Variants in TINAG observed in about 807,000 individuals in gnomAD.
TINAG encodes the protein tubulointerstitial nephritis antigen.
In TINAG, 83 loss-of-function variants were observed where a neutral mutation model predicts 72.7. The ratio of observed to expected loss-of-function variants is 1.14; its 90% CI spans 0.96 to 1.37. TINAG has a LOEUF of 1.37. TINAG is among the 40% of genes most tolerant of loss of function. The pLI is 0.00. For missense variants in TINAG, 685 were observed against 576.6 expected (o/e 1.19, Z -1.93); for synonymous variants, 234 against 189.9 (o/e 1.23, Z -1.91).
At chr6:54,319,502 C>A (rs575559431) in intron 1 of TINAG, among the ~76,000 whole-genome samples, 3 of 151,912 alleles carry the variant, frequency 2.0e-5, no homozygotes, top group Non-Finnish European at 4.4e-5. Flanking sequence ...GAAAGGGATG[C>A]CTAGACGTAA....
chr6:54,333,010 A>G (rs1273312221), intron 4 of TINAG, among the ~76,000 whole-genome samples: 1 of 152,130 alleles, frequency 6.6e-6, no homozygotes, highest in East Asian at 1.9e-4. Flanking sequence ...TGCTTTTTTT[A>G]CTGGTGATGG....
chr6:54,360,209 A>G (rs1180667570), intron 9 of TINAG, among the ~76,000 whole-genome samples: 6 of 150,634 alleles, frequency 4.0e-5, no homozygotes, highest in Non-Finnish European at 7.4e-5. Context: ...TGTAACACAT[A>G]TATTTGCTCC....
intron 9 of TINAG, among the ~76,000 whole-genome samples, chr6:54,372,929 C>T (rs746333990): frequency 1.3e-5 from 2 of 151,474 alleles, no homozygotes; most frequent in Non-Finnish European, 2.9e-5. Context: ...GAAAGTCAGC[C>T]CAAGTCTGAG....
chr6:54,379,878 T>G (rs1201721613), intron 9 of TINAG, among the ~76,000 whole-genome samples: 1 of 152,114 alleles, frequency 6.6e-6, no homozygotes, highest in South Asian at 2.1e-4. Flanking sequence ...TTTGCTGCAC[T>G]CATCAACCAG....
At chr6:54,371,173 C>A (rs998247093) in intron 9 of TINAG, among the ~76,000 whole-genome samples, 4 of 151,336 alleles carry the variant, frequency 2.6e-5, no homozygotes, top group Non-Finnish European at 5.9e-5. Context: ...GACTTGAGGT[C>A]AAGTGTAGGA....
intron 1 of TINAG, among the ~76,000 whole-genome samples, chr6:54,319,092 C>T (rs181722275): frequency 2.6e-5 from 4 of 152,102 alleles, no homozygotes; most frequent in Admixed American, 1.3e-4. Flanking sequence ...TCCTTAAGGA[C>T]CCTTGAGATG....
chr6:54,311,437 T>C (rs1214278905), intron 1 of TINAG, among the ~76,000 whole-genome samples: 2 of 152,234 alleles, frequency 1.3e-5, no homozygotes. Context: ...GTCCCAGGTA[T>C]GCATTTAATC....
In TINAG at chr6:54,331,087, C is replaced by A. The variant is rs139515065; in HGVS notation, c.624+4171C>A. Reference sequence around the variant, plus strand: ...ATTCTAAACAATAGAAAAAGAGTGACTCCTCCCTAACTCATTTTATGAGGC... The same window carrying A: ...ATTCTAAACAATAGAAAAAGAGTGAATCCTCCCTAACTCATTTTATGAGGC... On this transcript the variant is annotated intron_variant, in intron 4 of 10. Transcript: ENST00000259782. 7.2e-5 allele frequency among the ~76,000 whole-genome samples: 11 copies of A among 152,228 alleles called. No individual in the cohort carries two copies. In the East Asian group the frequency reaches 2.1e-3, roughly 29 times the overall value.
intron 9 of TINAG, among the ~76,000 whole-genome samples, chr6:54,376,671 T>C (rs1420892813): frequency 1.3e-5 from 2 of 152,178 alleles, no homozygotes; most frequent in Admixed American, 1.3e-4. Context: ...ACAATATCCC[T>C]TTTAAAAGGA....
At chr6:54,345,405 C>A (rs1197886598) in intron 5 of TINAG, among the ~76,000 whole-genome samples, 1 of 152,012 alleles carries the variant, frequency 6.6e-6, no homozygotes, top group South Asian at 2.1e-4. Flanking sequence ...ATTCAAGCCT[C>A]CAGTATTATA....
At chr6:54,324,138 T>G (rs1472927616) in intron 3 of TINAG, among the ~76,000 whole-genome samples, 1 of 152,202 alleles carries the variant, frequency 6.6e-6, no homozygotes, top group Non-Finnish European at 1.5e-5. Context: ...GTGTTTCAAT[T>G]AACTGCTGCT....
At chr6:54,370,536 G>T (rs780982017) in intron 9 of TINAG, among the ~76,000 whole-genome samples, 1 of 151,998 alleles carries the variant, frequency 6.6e-6, no homozygotes, top group African/African-American at 2.4e-5. Context: ...ATTGAGTGAT[G>T]GTTGTGTACC....
At position 54,389,785 on chromosome 6, in the gene TINAG, C is replaced by G; in HGVS notation, c.1297-6C>G. On this transcript the variant is annotated splice_polypyrimidine_tract_variant and splice_region_variant and intron_variant, in intron 10 of 10. Coordinates refer to ENST00000259782, the MANE Select transcript of TINAG (RefSeq NM_014464.4). ...TCAACTTTTTTGTTTGTTTGTTTTT[C>G]TGCAGATTGCTGCCAATTCCTGGGG... 1 of 1,569,602 alleles carries G rather than the reference C, an allele frequency of 6.4e-7. No individual in the cohort carries two copies. Among genetic ancestry groups the G allele is most frequent in the South Asian group, 1.2e-5 (1 of 83,204 alleles).
chr6:54,376,395 T>G (rs1159470061), intron 9 of TINAG, among the ~76,000 whole-genome samples: 1 of 152,170 alleles, frequency 6.6e-6, no homozygotes, highest in African/African-American at 2.4e-5. Context: ...AGAGAGATTC[T>G]GTGCTTACCT....
At chr6:54,372,265 T>C (rs1763641351) in intron 9 of TINAG, among the ~76,000 whole-genome samples, 1 of 152,076 alleles carries the variant, frequency 6.6e-6, no homozygotes, top group Non-Finnish European at 1.5e-5. Flanking sequence ...GTGCTGGGAT[T>C]ACAGGTGTGA....
rs115438249 is a variant in TINAG, at chr6:54,326,863, C to T, written c.571C>T (p.Arg191Cys). ...GACTTTAGAAGATGGTTTTAAATTTCGCCTTGGCACTTTGCCACCTAGTCC... is the reference window on the plus strand; with the variant it reads ...GACTTTAGAAGATGGTTTTAAATTTTGCCTTGGCACTTTGCCACCTAGTCC... ...GMTLEDGFKF[R>C]LGTLPPSPML... Residue 191 changes from arginine (R) to cysteine (C), a missense_variant, in exon 4 of 11, where the codon CGC becomes TGC. Coordinates refer to ENST00000259782, the MANE Select transcript of TINAG (RefSeq NM_014464.4). 4.0e-5 allele frequency: 65 copies of T among 1,613,016 alleles called. No homozygotes were observed. In the African/African-American group the frequency reaches 4.3e-4, roughly 11 times the overall value.
At chr6:54,316,237 C>G (rs527352826) in intron 1 of TINAG, among the ~76,000 whole-genome samples, 1 of 152,240 alleles carries the variant, frequency 6.6e-6, no homozygotes, top group Non-Finnish European at 1.5e-5. Flanking sequence ...AGAGCCAAGT[C>G]TAAGAGTACA....
chr6:54,314,239 C>T (rs1014857144), intron 1 of TINAG, among the ~76,000 whole-genome samples: 1 of 152,182 alleles, frequency 6.6e-6, no homozygotes, highest in Non-Finnish European at 1.5e-5. Flanking sequence ...TGCCTGGATT[C>T]ACTTTGTCAT....
chr6:54,334,682 C>A (rs1232130140), intron 4 of TINAG, among the ~76,000 whole-genome samples: 1 of 152,146 alleles, frequency 6.6e-6, no homozygotes, highest in Admixed American at 6.5e-5. Flanking sequence ...GACAGGCCAT[C>A]TAAAAAATTA....
Sources: gnomAD v4.1 joint callset for allele counts (sites outside exome capture counted in the v4.1 genomes callset) on GRCh38, gnomAD v4.1.1 for gene constraint, MANE v1.5 for transcripts, NCBI Gene and HGNC (gene_info 2026-07-23, HGNC 2026-07-21) for gene names.